The following TRIO variants were observed in gnomAD, a reference collection of about 807,000 sequenced individuals.
TRIO encodes triple functional domain protein.
A neutral mutation model predicts 351.9 loss-of-function variants in TRIO; 58 were observed. That is an observed-to-expected ratio of 0.16 (90% CI 0.13 to 0.21). The LOEUF is 0.21. Among genes scored for constraint, TRIO ranks in the 10% least tolerant of loss-of-function variants. The probability of loss-of-function intolerance (pLI) is 1.00; values close to 1 mark genes in which losing one functional copy is unlikely to be tolerated. For synonymous variants in TRIO, 1,758 were observed against 1,595.7 expected (o/e 1.10, Z -2.42); for missense variants, 3,201 against 4,027.8 (o/e 0.79, Z 5.56).
chr5:14,489,799 G>A (rs1003413879), intron 48 of TRIO, among the ~76,000 whole-genome samples: 15 of 152,224 alleles, frequency 9.9e-5, no homozygotes, highest in African/African-American at 1.9e-4. Flanking sequence ...CAAGTGGCAC[G>A]TGTTCCCGCG....
At chr5:14,289,071 G>C (rs766152819) in intron 4 of TRIO, among the ~76,000 whole-genome samples, 12 of 151,852 alleles carry the variant, frequency 7.9e-5, no homozygotes, top group African/African-American at 2.7e-4. Context: ...GCAAGAGCCT[G>C]TCTCTATATT....
chr5:14,220,049 C>CTTT (rs35237881), intron 1 of TRIO, among the ~76,000 whole-genome samples: 1 of 94,780 alleles, frequency 1.1e-5, no homozygotes, highest in Non-Finnish European at 2.4e-5. Context: ...TCTTCTTCTT[C>CTTT]TTTTTTTTTT....
At chr5:14,200,442 CT>C (rs546563592) in intron 1 of TRIO, among the ~76,000 whole-genome samples, 70 of 152,348 alleles carry the variant, frequency 4.6e-4, no homozygotes, top group African/African-American at 1.6e-3. Flanking sequence ...TTGGTCTCCC[CT>C]GTAAGACAGG....
intron 34 of TRIO, chr5:14,420,659 C>T (rs1281415407): frequency 6.5e-6 from 1 of 152,960 alleles, no homozygotes; most frequent in Non-Finnish European, 1.5e-5. Flanking sequence ...GTGGGCTTCC[C>T]CTCGTGGTGT....
chr5:14,360,623 C>G (rs1351810002), intron 13 of TRIO, among the ~76,000 whole-genome samples: 1 of 152,254 alleles, frequency 6.6e-6, no homozygotes, highest in Non-Finnish European at 1.5e-5. Context: ...AGCCTGCCCT[C>G]AGTCACCTCG....
At chr5:14,338,511 G>A (rs1349958230) in intron 11 of TRIO, among the ~76,000 whole-genome samples, 1 of 152,224 alleles carries the variant, frequency 6.6e-6, no homozygotes, top group Non-Finnish European at 1.5e-5. Context: ...GTGTGATTGT[G>A]TGTTACTTTA....
intron 33 of TRIO, among the ~76,000 whole-genome samples, chr5:14,412,791 C>T (rs1749312109): frequency 6.6e-6 from 1 of 152,228 alleles, no homozygotes; most frequent in South Asian, 2.1e-4. Flanking sequence ...CCTTCCTCTG[C>T]TCAGAGTGTA....
chr5:14,470,330 T>C (rs1320106971), intron 37 of TRIO, among the ~76,000 whole-genome samples: 3 of 152,114 alleles, frequency 2.0e-5, no homozygotes. Context: ...TAATACCAAA[T>C]GTTTTAAGTG....
chr5:14,378,366 A>G (rs1745751899), intron 20 of TRIO, among the ~76,000 whole-genome samples: 1 of 152,228 alleles, frequency 6.6e-6, no homozygotes, highest in Non-Finnish European at 1.5e-5. Flanking sequence ...CCTCATCTCT[A>G]AGACAGCAAA....
intron 1 of TRIO, among the ~76,000 whole-genome samples, chr5:14,235,622 T>G (rs1266962711): frequency 6.6e-6 from 1 of 152,136 alleles, no homozygotes; most frequent in Non-Finnish European, 1.5e-5. Flanking sequence ...GAATTTTGGT[T>G]GTTCTGCTAG....
In TRIO at chr5:14,390,795, C is replaced by T. The variant is rs1296442283; in HGVS notation, c.4129-106C>T. ...TTTTTAAAATAGAGTCTCTTCAACTCGAGGCTTAAATTTCCGTTATCCATA... is the reference window on the plus strand; with the variant it reads ...TTTTTAAAATAGAGTCTCTTCAACTTGAGGCTTAAATTTCCGTTATCCATA... On this transcript the variant is annotated intron_variant, in intron 26 of 56. Coordinates refer to ENST00000344204, the MANE Select transcript of TRIO (RefSeq NM_007118.4). 37 of 870,030 alleles carry T rather than the reference C, an allele frequency of 4.3e-5. No individual in the cohort carries two copies. The Admixed American group carries it at 1.0e-3, about 24-fold the overall frequency. 53.9% of individuals were successfully genotyped at this position (870,030 alleles called of 1,614,324 possible). A position where few individuals can be genotyped will look rare whatever the true frequency, so the allele number is the denominator to read the frequency against.
intron 5 of TRIO, among the ~76,000 whole-genome samples, chr5:14,292,388 T>G (rs948552323): frequency 2.0e-5 from 3 of 152,252 alleles, no homozygotes; most frequent in Non-Finnish European, 4.4e-5. Context: ...GTCATCTATA[T>G]TTTCTTAAAT....
intron 9 of TRIO, among the ~76,000 whole-genome samples, chr5:14,328,907 A>G (rs1002469271): frequency 1.3e-5 from 2 of 151,702 alleles, no homozygotes; most frequent in Non-Finnish European, 2.9e-5. Context: ...AGTGCCTGCC[A>G]GTTCTAGAAG....
At chr5:14,427,104 T>C (rs1349029240) in intron 34 of TRIO, among the ~76,000 whole-genome samples, 1 of 152,200 alleles carries the variant, frequency 6.6e-6, no homozygotes, top group African/African-American at 2.4e-5. Flanking sequence ...ACTGTGTGAC[T>C]GCAAAGCCAG....
At chr5:14,162,454 T>A (rs761319382) in intron 1 of TRIO, among the ~76,000 whole-genome samples, 4 of 152,262 alleles carry the variant, frequency 2.6e-5, no homozygotes, top group Non-Finnish European at 5.9e-5. Context: ...CAGTTTTTAC[T>A]TTGTTCTTTT....
intron 1 of TRIO, among the ~76,000 whole-genome samples, chr5:14,225,218 G>A (rs1259286668): frequency 1.3e-5 from 2 of 152,202 alleles, no homozygotes; most frequent in Admixed American, 6.5e-5. Flanking sequence ...GGTGAGAGGT[G>A]CAGACAGGAG....
rs1755616218 is a variant in TRIO at position 14,482,695 on chromosome 5, G to A, written c.6579G>A (p.Gln2193=). The A allele has an allele frequency of 6.2e-7, 1 of 1,611,962 alleles. No homozygotes were observed. The highest frequency in any genetic ancestry group is 1.3e-5 in the African/African-American group (1 of 74,892). The change falls in exon 46 of 57, where the codon CAG becomes CAA. Residue 2193 remains glutamine, a synonymous_variant. Coordinates refer to ENST00000344204, the MANE Select transcript of TRIO (RefSeq NM_007118.4). ...CRERRIFLFE[Q]IVIFSEPLDK... ...AGAGGCGCATCTTCCTCTTTGAGCA[G>A]ATCGTCATATTCAGCGAACCACTTG... is the stretch of plus-strand genomic sequence containing the variant.
At chr5:14,470,141 C>T (rs1754579379) in intron 37 of TRIO, among the ~76,000 whole-genome samples, 1 of 152,124 alleles carries the variant, frequency 6.6e-6, no homozygotes, top group Non-Finnish European at 1.5e-5. Context: ...ACTTAATGTC[C>T]TGTTTTTCAA....
chr5:14,388,577 C>G lies in TRIO; in HGVS notation c.3882-36C>G, dbSNP rs11949756. 95,007 of 1,588,588 alleles carry G rather than the reference C, an allele frequency of 0.06. 4,324 individuals are homozygous for G. The highest frequency in any genetic ancestry group is 0.24 in the African/African-American group (17,426 of 73,406). On this transcript the variant is annotated intron_variant, in intron 23 of 56. Coordinates refer to ENST00000344204, the MANE Select transcript of TRIO (RefSeq NM_007118.4). ...AAGTAGATAGTGAAGTAAGCTGCAC[C>G]CTGACTGTACTCCTCACTGTCTTCC...
Sources: gnomAD v4.1 joint callset for allele counts (sites outside exome capture counted in the v4.1 genomes callset) on GRCh38, gnomAD v4.1.1 for gene constraint, MANE v1.5 for transcripts, NCBI Gene and HGNC (gene_info 2026-07-23, HGNC 2026-07-21) for gene names.